The following SLC14A1 variants were observed in gnomAD, a reference collection of about 807,000 sequenced individuals.
SLC14A1 encodes solute carrier family 14 member 1 (Kidd blood group).
In SLC14A1, 36 loss-of-function variants were observed where a neutral mutation model predicts 39.6. That is an observed-to-expected ratio of 0.91 (90% CI 0.70 to 1.20). The LOEUF (loss-of-function observed/expected upper bound fraction) is 1.20. Among genes scored for constraint, SLC14A1 ranks in the 50% most tolerant of loss-of-function variants. The pLI is 0.00. For synonymous variants in SLC14A1, 164 were observed against 173.6 expected, an observed-to-expected ratio of 0.94 and a Z score of 0.43; for missense variants, 469 against 478.7, an observed-to-expected ratio of 0.98 and a Z score of 0.19.
At chr18:45,733,839 C>T (rs2047102207) in intron 4 of SLC14A1, among the ~76,000 whole-genome samples, 1 of 152,208 alleles carries the variant, frequency 6.6e-6, no homozygotes, top group Admixed American at 6.5e-5. Context: ...CTGAGCTCCG[C>T]CTCCTGTCAG....
At position 45,751,127 on chromosome 18, in the gene SLC14A1, C is replaced by CT; in HGVS notation, c.*1176_*1177insT. 2 of 709,948 alleles carry CT rather than the reference C, an allele frequency of 2.8e-6. No homozygotes were observed. Among genetic ancestry groups the CT allele is most frequent in the Non-Finnish European group, 3.5e-6 (2 of 578,732 alleles). The allele number at this position is 709,948 out of a possible 1,614,324, so 44.0% of individuals were successfully genotyped here. On this transcript the variant is annotated 3_prime_UTR_variant, in exon 10 of 10. Transcript: ENST00000321925. ...AGCCCAGGCGGGCAGATTGCTTGAA[C>CT]CCAGGAGTTCAAGACCAGCCTGGGC... is the stretch of plus-strand genomic sequence containing the variant.
Position 45,748,376 on chromosome 18 carries a change from C to T in SLC14A1, c.947C>T (p.Ala316Val), listed in dbSNP as rs781473333. The change falls in exon 9 of 10, where the codon GCC becomes GTC. Residue 316 changes from alanine (A) to valine (V), a missense_variant and splice_region_variant. Coordinates refer to ENST00000321925, the MANE Select transcript of SLC14A1 (RefSeq NM_015865.7). ...WQTHLLALGC[A>V]LFTAYLGVGM... ...CTTTCCCTCCTTTTTTTTTCTGTAG[C>T]CCTGTTCACGGCCTATCTTGGAGTC... 6.2e-7 allele frequency: 1 copy of T among 1,613,900 alleles called. No homozygotes were observed. The highest frequency in any genetic ancestry group is 8.5e-7 in the Non-Finnish European group (1 of 1,179,924).
chr18:45,730,839 G>A (rs2144753728), intron 3 of SLC14A1, among the ~76,000 whole-genome samples, 176 bp from the exon 4 acceptor site: 1 of 152,266 alleles, frequency 6.6e-6, no homozygotes, highest in Middle Eastern at 3.4e-3. Flanking sequence ...AGTAGATAGA[G>A]GCTTTCAGGG....
chr18:45,749,249 A>G lies in SLC14A1; in HGVS notation c.997-529A>G, dbSNP rs374368005. Among the ~76,000 whole-genome samples, 21 of 152,236 alleles carry G rather than the reference A, an allele frequency of 1.4e-4. No individual in the cohort carries two copies. The East Asian group carries it at 1.7e-3, about 13-fold the overall frequency. ...CCATGCATCAGGTCAGAGCTAACCA[A>G]TGGTGTATGCTCAGAATTGTGTGAG... On this transcript the variant is annotated intron_variant, in intron 9 of 9. Coordinates refer to ENST00000321925, the MANE Select transcript of SLC14A1 (RefSeq NM_015865.7).
intron 8 of SLC14A1, among the ~76,000 whole-genome samples, chr18:45,747,953 T>C (rs1249475972): frequency 6.6e-6 from 1 of 152,242 alleles, no homozygotes; most frequent in Non-Finnish European, 1.5e-5. Context: ...GAAACATTCA[T>C]AGGTTTCATT....
intron 8 of SLC14A1, among the ~76,000 whole-genome samples, chr18:45,746,963 A>G (rs1599324242): frequency 6.6e-6 from 1 of 152,356 alleles, no homozygotes; most frequent in East Asian, 1.9e-4. Context: ...GTGTGAGACA[A>G]TTCATACGTG....
At chr18:45,741,437 G>A (rs1272001246) in intron 8 of SLC14A1, among the ~76,000 whole-genome samples, 2 of 152,164 alleles carry the variant, frequency 1.3e-5, no homozygotes, top group Non-Finnish European at 2.9e-5. Context: ...TCAAGCCAAG[G>A]TATCTAAACA....
intron 8 of SLC14A1, among the ~76,000 whole-genome samples, chr18:45,743,440 G>A (rs1307447975): frequency 2.0e-5 from 3 of 151,800 alleles, no homozygotes; most frequent in Non-Finnish European, 4.4e-5. Flanking sequence ...CATAATGGTT[G>A]AGGCAGTCAA....
At chr18:45,734,468 G>T in intron 5 of SLC14A1, 66 bp downstream of exon 5, 1 of 1,564,510 alleles carries the variant, frequency 6.4e-7, no homozygotes. Context: ...GAGGGAATGG[G>T]AGTTGTTATA....
intron 8 of SLC14A1, chr18:45,740,989 C>T (rs1315503844): frequency 6.6e-6 from 1 of 152,332 alleles, no homozygotes; most frequent in East Asian, 1.9e-4. Flanking sequence ...ACCTCTACTC[C>T]ATCCTTCTTA....
intron 8 of SLC14A1, chr18:45,741,060 A>G (rs911367777): frequency 6.6e-6 from 1 of 152,292 alleles, no homozygotes; most frequent in African/African-American, 2.4e-5. Flanking sequence ...GAATCTGGAC[A>G]GCAATGGGTA....
intron 8 of SLC14A1, among the ~76,000 whole-genome samples, chr18:45,743,026 G>A (rs557262470): frequency 5.3e-5 from 8 of 152,338 alleles, no homozygotes; most frequent in South Asian, 2.1e-4. Context: ...GAATGAAGTC[G>A]AAGCTCTTGA....
At chr18:45,732,332 C>T (rs1361263608) in intron 4 of SLC14A1, among the ~76,000 whole-genome samples, 1 of 152,140 alleles carries the variant, frequency 6.6e-6, no homozygotes, top group Non-Finnish European at 1.5e-5. Context: ...TAGATGTTGC[C>T]ATTAATTTTC....
chr18:45,725,490 G>T (rs2046838580), intron 2 of SLC14A1, among the ~76,000 whole-genome samples: 1 of 152,118 alleles, frequency 6.6e-6, no homozygotes, highest in South Asian at 2.1e-4. Context: ...GGTGAAACTG[G>T]GGATAGCAGA....
At chr18:45,736,788 GC>G in intron 6 of SLC14A1, 140 bp downstream of exon 6, 1 of 761,436 alleles carries the variant, frequency 1.3e-6, no homozygotes, top group Non-Finnish European at 2.3e-6. Context: ...GCCATTTAAA[GC>G]ATTTGTTCTA....
Position 45,752,104 on chromosome 18 carries a change from A to G in SLC14A1, c.*2153A>G, listed in dbSNP as rs145505503. 8.0e-5 allele frequency: 79 copies of G among 985,460 alleles called. No individual in the cohort carries two copies. In the African/African-American group the frequency reaches 1.1e-3, roughly 14 times the overall value. 61.0% of individuals were successfully genotyped at this position (985,460 alleles called of 1,614,324 possible). A position where few individuals can be genotyped will look rare whatever the true frequency, so the allele number is the denominator to read the frequency against. On this transcript the variant is annotated 3_prime_UTR_variant, in exon 10 of 10. Transcript: ENST00000321925. ...AAGCCTTTGGAACTATGAATTTGCA[A>G]CTGTCATAGGTTTATGGATATTGCT...
Position 45,724,274 on chromosome 18 carries a change from G to GT in SLC14A1, c.-86+2dup, listed in dbSNP as rs1452353659. On this transcript the variant is annotated splice_donor_variant, in intron 1 of 9. Transcript: ENST00000321925. LOFTEE classifies it low-confidence loss of function (5UTR_SPLICE). The stretch of plus-strand genomic sequence containing the variant: ...CTGCCAGGAAGCCAGCTAGAGTGGT[G>GT]TAAGTACTCATCCTTATTTCTATTC... 1 of 152,220 alleles carries GT rather than the reference G, an allele frequency of 6.6e-6. No homozygotes were observed. Among genetic ancestry groups the GT allele is most frequent in the African/African-American group, 2.4e-5 (1 of 41,458 alleles). The allele number at this position is 152,220 out of a possible 1,614,324, so 9.4% of individuals were successfully genotyped here. A position where few individuals can be genotyped will look rare whatever the true frequency, so the allele number is the denominator to read the frequency against.
Position 45,740,101 on chromosome 18 carries a change from C to T in SLC14A1, c.946+439C>T, listed in dbSNP as rs1013958852. On this transcript the variant is annotated intron_variant, in intron 8 of 9. Coordinates refer to ENST00000321925, the MANE Select transcript of SLC14A1 (RefSeq NM_015865.7). The stretch of plus-strand genomic sequence containing the variant: ...TCCTAGAATGGTGGCACTCACTGCT[C>T]CTGGCTGTGAGGATCTGCCATGCCT... 3.0e-4 allele frequency among the ~76,000 whole-genome samples: 46 copies of T among 152,336 alleles called. 1 individual carries two copies. Among genetic ancestry groups the T allele is most frequent in the Admixed American group, 2.3e-3 (35 of 15,310 alleles).
chr18:45,744,820 C>CG (rs1475375013), intron 8 of SLC14A1, among the ~76,000 whole-genome samples: 1 of 152,160 alleles, frequency 6.6e-6, no homozygotes, highest in Non-Finnish European at 1.5e-5. Context: ...TAACTCTTGA[C>CG]TTTTTCTTAA....
Sources: allele counts gnomAD v4.1 joint callset (sites outside exome capture counted in the v4.1 genomes callset), GRCh38; gene constraint gnomAD v4.1.1; transcripts MANE v1.5; gene names NCBI Gene and HGNC (gene_info 2026-07-23, HGNC 2026-07-21).